Variants in ROR2 observed in about 807,000 individuals in gnomAD.
ROR2 encodes the protein tyrosine-protein kinase transmembrane receptor ROR2.
Under a neutral mutation model 74.9 loss-of-function variants are expected in ROR2, and 33 were observed. The ratio of observed to expected loss-of-function variants is 0.44; its 90% CI spans 0.33 to 0.59. ROR2 has a LOEUF of 0.59. Among genes scored for constraint, ROR2 ranks in the 20% least tolerant of loss-of-function variants. The pLI is 0.02. For missense variants in ROR2, 1,216 were observed against 1,313.8 expected (o/e 0.93, Z 1.15); for synonymous variants, 586 against 558.7 (o/e 1.05, Z -0.69).
intron 1 of ROR2, among the ~76,000 whole-genome samples, chr9:91,782,721 GCT>G (rs1260626407): frequency 1.3e-5 from 2 of 152,176 alleles, no homozygotes; most frequent in Non-Finnish European, 2.9e-5. Context: ...TCTGGAGCAG[GCT>G]CCACCTCCAT....
At chr9:91,899,370 T>G (rs1248304654) in intron 1 of ROR2, among the ~76,000 whole-genome samples, 1 of 152,112 alleles carries the variant, frequency 6.6e-6, no homozygotes, top group South Asian at 2.1e-4. Flanking sequence ...ATACCATGTG[T>G]GGGGCCCCAG....
chr9:91,901,751 G>A (rs985845434), intron 1 of ROR2, among the ~76,000 whole-genome samples: 1 of 148,612 alleles, frequency 6.7e-6, no homozygotes, highest in African/African-American at 2.5e-5. Flanking sequence ...AGGAGGTGGA[G>A]GTTGCAGCGA....
rs374939956 is a variant in ROR2 at position 91,724,538 on chromosome 9, C to T, written c.1956G>A (p.Ser652=). The change falls in exon 9 of 9, where the codon TCG becomes TCA. Residue 652 remains serine (S), a synonymous_variant. Coordinates refer to ENST00000375708, the MANE Select transcript of ROR2 (RefSeq NM_004560.4). ...GGGCCATCCAGCGGATAGGCAGCAG[C>T]GAGTTCCCCAGCAGCTTGTAGTAAT... ...AADYYKLLGN[S]LLPIRWMAPE... is the part of the protein sequence containing the mutation. The T allele has an allele frequency of 2.0e-4, 320 of 1,614,072 alleles. No individual in the cohort carries two copies. The highest frequency in any genetic ancestry group is 2.5e-4 in the Non-Finnish European group (300 of 1,180,050).
intron 1 of ROR2, among the ~76,000 whole-genome samples, chr9:91,895,955 G>A (rs1298214426): frequency 6.6e-6 from 1 of 152,118 alleles, no homozygotes. Flanking sequence ...TGTCACCCGC[G>A]TGCCAGTACC....
At chr9:91,850,955 G>T (rs1281005845) in intron 1 of ROR2, among the ~76,000 whole-genome samples, 1 of 151,972 alleles carries the variant, frequency 6.6e-6, no homozygotes, top group Non-Finnish European at 1.5e-5. Flanking sequence ...TGTCTAATAT[G>T]ATCTTCTCCC....
rs577344048 is a variant in ROR2, at chr9:91,840,816, T to C, written c.98-64998A>G. Among the ~76,000 whole-genome samples the C allele has an allele frequency of 7.0e-4, 106 of 152,360 alleles. 1 individual carries two copies. Among genetic ancestry groups the C allele is most frequent in the Non-Finnish European group, 1.3e-3 (86 of 68,030 alleles). ...TCCAAATGAGATAGCGGCAGCCCCTTGTTCCTACGCAAGGACCTGAGATCC... is the reference window on the plus strand; with the variant it reads ...TCCAAATGAGATAGCGGCAGCCCCTCGTTCCTACGCAAGGACCTGAGATCC... On this transcript the variant is annotated intron_variant, in intron 1 of 8. Coordinates refer to ENST00000375708, the MANE Select transcript of ROR2 (RefSeq NM_004560.4).
intron 1 of ROR2, among the ~76,000 whole-genome samples, chr9:91,842,785 G>A (rs748549134): frequency 1.3e-5 from 2 of 152,226 alleles, no homozygotes; most frequent in Admixed American, 1.3e-4. Flanking sequence ...CCAGCCACCT[G>A]TCACTGATGT....
At chr9:91,791,805 C>A (rs1161396935) in intron 1 of ROR2, among the ~76,000 whole-genome samples, 2 of 152,054 alleles carry the variant, frequency 1.3e-5, no homozygotes, top group Admixed American at 1.3e-4. Flanking sequence ...AAAACATTCT[C>A]CAAGATACTA....
At position 91,739,249 on chromosome 9, in the gene ROR2, G is replaced by A. The variant is rs189668644; in HGVS notation, c.495-1731C>T. Among the ~76,000 whole-genome samples, 5 of 152,332 alleles carry A rather than the reference G, an allele frequency of 3.3e-5. No homozygotes were observed. The East Asian group carries it at 9.7e-4, about 29-fold the overall frequency. On this transcript the variant is annotated intron_variant, in intron 4 of 8. Coordinates refer to ENST00000375708, the MANE Select transcript of ROR2 (RefSeq NM_004560.4). The stretch of plus-strand genomic sequence containing the variant: ...AGGCTAGGCACAGTGGCTCGTGCCT[G>A]TAATCCCAGCACTTTGGGAGGCCAA...
chr9:91,921,966 T>TA (rs1831277928), intron 1 of ROR2, among the ~76,000 whole-genome samples: 1 of 101,224 alleles, frequency 9.9e-6, no homozygotes, highest in South Asian at 2.9e-4. Context: ...AAAAAAAAAA[T>TA]ACACAACTGG....
At chr9:91,893,443 T>A (rs1830470864) in intron 1 of ROR2, among the ~76,000 whole-genome samples, 1 of 146,478 alleles carries the variant, frequency 6.8e-6, no homozygotes, top group African/African-American at 2.5e-5. Flanking sequence ...GACTCTGTCT[T>A]AAAAAAAAAA....
At chr9:91,865,955 T>C (rs1829619259) in intron 1 of ROR2, among the ~76,000 whole-genome samples, 1 of 152,186 alleles carries the variant, frequency 6.6e-6, no homozygotes, top group African/African-American at 2.4e-5. Flanking sequence ...ATTGAATAAA[T>C]GACACTTTCT....
rs202213533 is a variant in ROR2 at position 91,723,796 on chromosome 9, C to T, written c.2698G>A (p.Ala900Thr). 1.1e-4 allele frequency: 170 copies of T among 1,613,774 alleles called. No individual in the cohort carries two copies. Among genetic ancestry groups the T allele is most frequent in the Admixed American group, 3.5e-4 (21 of 60,016 alleles). Residue 900 changes from alanine (A) to threonine (T), a missense_variant, in exon 9 of 9, where the codon GCC becomes ACC. Ala to Thr is a moderately conservative substitution (Grantham distance 58). Coordinates refer to ENST00000375708, the MANE Select transcript of ROR2 (RefSeq NM_004560.4). ...GTGCTCTGGGCCCCATCTTCTGGGG[C>T]GTTCTGTGTGTCATCAGCGCCCTCT... ...LSEGADDTQN[A>T]PEDGAQSTVQ... is the part of the protein sequence containing the mutation.
chr9:91,866,110 T>C (rs547805984), intron 1 of ROR2, among the ~76,000 whole-genome samples: 1 of 152,196 alleles, frequency 6.6e-6, no homozygotes, highest in Non-Finnish European at 1.5e-5. Flanking sequence ...TGCATGTTTT[T>C]TGGGTTTTGT....
intron 1 of ROR2, among the ~76,000 whole-genome samples, chr9:91,862,668 C>CA (rs113052659): frequency 0.031 from 4,658 of 150,334 alleles, 181 homozygotes; most frequent in Middle Eastern, 0.092. Context: ...TCTCAAAAAA[C>CA]AAAAAAAAAG....
chr9:91,876,473 A>G (rs1467214890), intron 1 of ROR2, among the ~76,000 whole-genome samples: 1 of 152,238 alleles, frequency 6.6e-6, no homozygotes, highest in Non-Finnish European at 1.5e-5. Flanking sequence ...CCAAATGTGA[A>G]GTGAAGTTCA....
In ROR2 at chr9:91,724,763, G is replaced by C. The variant is rs771894717; in HGVS notation, c.1731C>G (p.Thr577=). ...CGGACTTCACCGTGCGGTCATCATCGGTGCTGCCCACGTCCGAGTGCGGCG... is the reference window on the plus strand; with the variant it reads ...CGGACTTCACCGTGCGGTCATCATCCGTGCTGCCCACGTCCGAGTGCGGCG... ...MRSPHSDVGS[T]DDDRTVKSAL... is the part of the protein sequence containing the mutation. The change falls in exon 9 of 9, where the codon ACC becomes ACG. Residue 577 remains threonine (T), a synonymous_variant. Coordinates refer to ENST00000375708, the MANE Select transcript of ROR2 (RefSeq NM_004560.4). The C allele has an allele frequency of 3.7e-6, 6 of 1,613,714 alleles. No homozygotes were observed. The highest frequency in any genetic ancestry group is 2.2e-5 in the East Asian group (1 of 44,866).
intron 5 of ROR2, among the ~76,000 whole-genome samples, chr9:91,735,408 A>G (rs1421451684): frequency 1.3e-5 from 2 of 152,186 alleles, no homozygotes; most frequent in Non-Finnish European, 2.9e-5. Flanking sequence ...ATGCTATAAA[A>G]CCAGGCTGCT....
intron 7 of ROR2, among the ~76,000 whole-genome samples, chr9:91,728,129 A>C (rs1587659592): frequency 1.3e-5 from 2 of 152,156 alleles, no homozygotes; most frequent in South Asian, 4.1e-4. Flanking sequence ...GCTCACACTG[A>C]CACCATCACC....
Sources: allele counts gnomAD v4.1 joint callset (sites outside exome capture counted in the v4.1 genomes callset), GRCh38; gene constraint gnomAD v4.1.1; transcripts MANE v1.5; gene names NCBI Gene and HGNC (gene_info 2026-07-23, HGNC 2026-07-21).